The following EDIL3 variants were observed in gnomAD, a reference collection of about 807,000 sequenced individuals.
The protein encoded by EDIL3 is EGF like and discoidin domains 3.
EDIL3 carries 37 observed loss-of-function variants against 67.4 expected under a neutral mutation model. The ratio of observed to expected loss-of-function variants is 0.55; its 90% CI spans 0.42 to 0.72. The LOEUF is 0.72. Among genes scored for constraint, EDIL3 ranks in the 30% least tolerant of loss-of-function variants. The pLI is 0.00. For synonymous variants in EDIL3, 195 were observed against 196.3 expected (o/e 0.99, Z 0.05); for missense variants, 527 against 586.3 (o/e 0.90, Z 1.04).
intron 1 of EDIL3, among the ~76,000 whole-genome samples, chr5:84,254,942 T>C (rs1325723282): frequency 6.6e-6 from 1 of 152,160 alleles, no homozygotes; most frequent in Non-Finnish European, 1.5e-5. Context: ...TGGCTACCCA[T>C]TTTATGTAGT....
intron 4 of EDIL3, among the ~76,000 whole-genome samples, chr5:84,174,207 G>A (rs907806660): frequency 6.6e-6 from 1 of 152,206 alleles, no homozygotes; most frequent in African/African-American, 2.4e-5. Flanking sequence ...CTCAGGCTCA[G>A]TTCACTGCCT....
At chr5:84,376,271 A>G (rs1442791877) in intron 1 of EDIL3, among the ~76,000 whole-genome samples, 1 of 152,210 alleles carries the variant, frequency 6.6e-6, no homozygotes, top group African/African-American at 2.4e-5. Flanking sequence ...GAAAGAATGT[A>G]CCTTGTTAAC....
chr5:84,161,045 T>C (rs910682113), intron 4 of EDIL3, among the ~76,000 whole-genome samples: 1 of 152,010 alleles, frequency 6.6e-6, no homozygotes. Context: ...CTTAAGCTTT[T>C]GTGTCCTCAC....
At chr5:84,196,176 A>ACT (rs1743699638) in intron 3 of EDIL3, among the ~76,000 whole-genome samples, 11 of 151,986 alleles carry the variant, frequency 7.2e-5, no homozygotes, top group Admixed American at 5.9e-4. Flanking sequence ...TAAATGATTT[A>ACT]TTGATATTAC....
At chr5:84,069,807 T>C (rs1319278279) in intron 6 of EDIL3, among the ~76,000 whole-genome samples, 1 of 151,860 alleles carries the variant, frequency 6.6e-6, no homozygotes, top group Non-Finnish European at 1.5e-5. Context: ...AATGTTGCAT[T>C]TTCCAAGAGC....
In EDIL3 at chr5:84,319,509, A is replaced by C. The variant is rs1474648339; in HGVS notation, c.67+64799T>G. Among the ~76,000 whole-genome samples the C allele has an allele frequency of 6.8e-4, 46 of 67,770 alleles. 3 individuals carry two copies. Among genetic ancestry groups the C allele is most frequent in the East Asian group, 2.1e-3 (8 of 3,776 alleles). 44.5% of individuals were successfully genotyped at this position (67,770 alleles called of 152,430 possible). On this transcript the variant is annotated intron_variant, in intron 1 of 10. Transcript: ENST00000296591. ...CAAAAAACAACAAAAAAAAAAAAAA[A>C]AAAAAAAAAAAAAAGAAATAGGAAT...
intron 9 of EDIL3, among the ~76,000 whole-genome samples, chr5:84,028,145 T>G (rs1203401239): frequency 6.6e-6 from 1 of 152,186 alleles, no homozygotes; most frequent in African/African-American, 2.4e-5. Context: ...GGACTATCAA[T>G]TTTATCATGT....
intron 4 of EDIL3, among the ~76,000 whole-genome samples, chr5:84,180,103 C>T (rs147583038): frequency 2.1e-4 from 32 of 151,492 alleles, no homozygotes; most frequent in South Asian, 4.2e-4. Context: ...ATGAAAGAGA[C>T]AGATATCAGT....
intron 4 of EDIL3, among the ~76,000 whole-genome samples, chr5:84,144,370 T>A (rs1267328845): frequency 4.0e-5 from 6 of 151,122 alleles, no homozygotes; most frequent in Non-Finnish European, 7.4e-5. Flanking sequence ...ACAATTAATA[T>A]GTCACAATCT....
intron 2 of EDIL3, among the ~76,000 whole-genome samples, chr5:84,242,471 C>T (rs1319157100): frequency 6.6e-6 from 1 of 152,060 alleles, no homozygotes; most frequent in Non-Finnish European, 1.5e-5. Flanking sequence ...TCCAGTAGAG[C>T]ATGCTCAGCA....
At chr5:84,269,597 T>G (rs1281636850) in intron 1 of EDIL3, among the ~76,000 whole-genome samples, 3 of 152,298 alleles carry the variant, frequency 2.0e-5, no homozygotes, top group African/African-American at 7.2e-5. Context: ...ATAGTAATTT[T>G]GCAAGGTTGG....
chr5:84,369,993 A>T (rs1350635217), intron 1 of EDIL3, among the ~76,000 whole-genome samples: 1 of 152,208 alleles, frequency 6.6e-6, no homozygotes, highest in East Asian at 1.9e-4. Flanking sequence ...CTTTCCTCAA[A>T]CCAAACAACG....
At chr5:84,075,890 G>GCACACACACACA (rs10530772) in intron 6 of EDIL3, among the ~76,000 whole-genome samples, 96 of 144,976 alleles carry the variant, frequency 6.6e-4, no homozygotes, top group South Asian at 2.9e-3. Context: ...AAGTGTGCAC[G>GCACACACACACA]CACACACACA....
intron 4 of EDIL3, among the ~76,000 whole-genome samples, chr5:84,164,489 C>T (rs921105603): frequency 5.9e-5 from 9 of 151,940 alleles, no homozygotes; most frequent in Non-Finnish European, 1.2e-4. Flanking sequence ...GAGAAATATC[C>T]GTATGTAAAA....
At chr5:83,972,465 C>T (rs1401727651) in intron 9 of EDIL3, among the ~76,000 whole-genome samples, 1 of 151,980 alleles carries the variant, frequency 6.6e-6, no homozygotes, top group Non-Finnish European at 1.5e-5. Flanking sequence ...CCATCATCAA[C>T]AGGATGATGG....
intron 4 of EDIL3, among the ~76,000 whole-genome samples, chr5:84,140,778 T>C (rs1049467948): frequency 2.6e-5 from 4 of 152,282 alleles, no homozygotes; most frequent in Admixed American, 2.0e-4. Flanking sequence ...AAGTTATCCA[T>C]ATTTTTTAAT....
rs752693308 is a variant in EDIL3, at chr5:84,254,194, T to C, written c.86A>G (p.Asn29Ser). 4 of 1,612,088 alleles carry C rather than the reference T, an allele frequency of 2.5e-6. No homozygotes were observed. In the East Asian group the frequency reaches 8.9e-5, roughly 36 times the overall value. ...ACAGATACCTCCATTTTCACATGGA[T>C]TGGGATCACAAATATCACCTAAGGC... is the stretch of plus-strand genomic sequence containing the variant. ...QFGKGDICDP[N>S]PCENGGICLP... is the part of the protein sequence containing the mutation. Residue 29 changes from asparagine to serine, a missense_variant, in exon 2 of 11, where the codon AAT becomes AGT. Asn to Ser is a conservative substitution (Grantham distance 46, BLOSUM62 1). Around this residue, in one of 2 missense-constraint regions of EDIL3, gnomAD observed 494 missense variants for 522.5 expected, o/e 0.95. Coordinates refer to ENST00000296591, the MANE Select transcript of EDIL3 (RefSeq NM_005711.5).
At chr5:84,292,479 G>C (rs1332046776) in intron 1 of EDIL3, among the ~76,000 whole-genome samples, 1 of 152,110 alleles carries the variant, frequency 6.6e-6, no homozygotes, top group Non-Finnish European at 1.5e-5. Context: ...AGAAGAAACA[G>C]GACAGAGAAT....
At chr5:84,051,155 C>G (rs1746329373) in intron 9 of EDIL3, among the ~76,000 whole-genome samples, 1 of 152,196 alleles carries the variant, frequency 6.6e-6, no homozygotes, top group Admixed American at 6.5e-5. Context: ...TGCTGTTCAC[C>G]AATATCCACT....
Sources: gnomAD v4.1 joint callset for allele counts (sites outside exome capture counted in the v4.1 genomes callset) on GRCh38, gnomAD v4.1.1 for gene constraint, gnomAD v4.1.1 regional missense constraint, MANE v1.5 for transcripts, NCBI Gene and HGNC (gene_info 2026-07-23, HGNC 2026-07-21) for gene names.